Variants in PPP2R2C observed in about 807,000 individuals in gnomAD.
The protein encoded by PPP2R2C is protein phosphatase 2 regulatory subunit Bgamma, also known as protein phosphatase 2, regulatory subunit B, gamma.
A neutral mutation model predicts 45.3 loss-of-function variants in PPP2R2C; 10 were observed. That is an observed-to-expected ratio of 0.22 (90% confidence interval 0.14 to 0.37). PPP2R2C has a LOEUF of 0.37. Among genes scored for constraint, PPP2R2C ranks in the 10% least tolerant of loss-of-function variants. The pLI is 1.00. For missense variants in PPP2R2C, 308 were observed against 619.7 expected, an observed-to-expected ratio of 0.50 and a Z score of 5.34; for synonymous variants, 257 against 245.4, an observed-to-expected ratio of 1.05 and a Z score of -0.44.
At chr4:6,474,913 G>A (rs1055999459), upstream of PPP2R2C, among the ~76,000 whole-genome samples, 40 of 143,064 alleles carry the variant, frequency 2.8e-4, no homozygotes, top group Non-Finnish European at 5.5e-4. Context: ...CCCTGCCCCC[G>A]CTGACAGAGC....
At chr4:6,381,301 G>A in intron 1 of PPP2R2C, 1 of 1,526,082 alleles carries the variant, frequency 6.6e-7, no homozygotes, top group Non-Finnish European at 8.8e-7. Context: ...CTCTGCACTG[G>A]CTGCAGGGCA....
intron 2 of PPP2R2C, among the ~76,000 whole-genome samples, chr4:6,486,825 A>C (rs1390751824): frequency 1.3e-5 from 2 of 152,038 alleles, no homozygotes; most frequent in Non-Finnish European, 2.9e-5. Context: ...GGATATTTAG[A>C]CCATGGCTGC....
intron 1 of PPP2R2C, among the ~76,000 whole-genome samples, chr4:6,446,565 A>G (rs1720430791): frequency 6.6e-6 from 1 of 152,220 alleles, no homozygotes; most frequent in South Asian, 2.1e-4. Flanking sequence ...GGGAAAGCCC[A>G]GGACACACTG....
chr4:6,401,081 T>C (rs1201077069), intron 1 of PPP2R2C, among the ~76,000 whole-genome samples: 1 of 152,352 alleles, frequency 6.6e-6, no homozygotes, highest in African/African-American at 2.4e-5. Flanking sequence ...GAGGACATTA[T>C]AGAAAGAACT....
chr4:6,437,005 G>A (rs1265715861), intron 1 of PPP2R2C, among the ~76,000 whole-genome samples: 3 of 152,162 alleles, frequency 2.0e-5, no homozygotes, highest in Non-Finnish European at 4.4e-5. Context: ...TCAACATGTA[G>A]ACCTGAATTT....
chr4:6,425,813 CTGTGTGTGTG>C (rs147253945), intron 1 of PPP2R2C, among the ~76,000 whole-genome samples: 2 of 148,458 alleles, frequency 1.3e-5, no homozygotes, highest in Non-Finnish European at 3.0e-5. Context: ...CGATGCTTGG[CTGTGTGTGTG>C]TGTGTGTGTG....
Position 6,375,850 on chromosome 4 carries a change from A to T in PPP2R2C, c.416T>A (p.Leu139His). 2 of 1,614,124 alleles carry T rather than the reference A, an allele frequency of 1.2e-6. No homozygotes were observed. Among genetic ancestry groups the T allele is most frequent in the Non-Finnish European group, 8.5e-7 (1 of 1,180,014 alleles). The change falls in exon 4 of 9, where the codon CTT becomes CAT. Residue 139 changes from leucine to histidine, a missense_variant. Leu to His is a moderately conservative substitution (Grantham distance 99). Transcript: ENST00000382599. ...GYNLKDEEGK[L>H]KDLSTVTSLQ... ...TGACGTCACCGTGGACAGGTCCTTAAGTTTCCCCTCTTCATCCTTCAGGTT... is the reference window on the plus strand; with the variant it reads ...TGACGTCACCGTGGACAGGTCCTTATGTTTCCCCTCTTCATCCTTCAGGTT...
intron 2 of PPP2R2C, chr4:6,380,004 C>G (rs1449432073): frequency 2.0e-5 from 3 of 152,678 alleles, no homozygotes; most frequent in African/African-American, 4.8e-5. Flanking sequence ...CTCCCCTCCC[C>G]TCCCCTGCCT....
In PPP2R2C at chr4:6,430,317, T is replaced by C. The variant is rs1012497610; in HGVS notation, c.70+41843A>G. Among the ~76,000 whole-genome samples the C allele has an allele frequency of 3.9e-5, 6 of 152,186 alleles. No homozygotes were observed. In the East Asian group the frequency reaches 7.7e-4, roughly 20 times the overall value. On this transcript the variant is annotated intron_variant, in intron 1 of 8. Coordinates refer to ENST00000382599, the MANE Select transcript of PPP2R2C (RefSeq NM_020416.4). ...CTGAGGCCCAGAGAGGCAAAGCAAG[T>C]TGCCTGAAGCCACACTGCCTGCACC... is the stretch of plus-strand genomic sequence containing the variant.
chr4:6,478,334 G>C (rs7692151), intron 2 of PPP2R2C, among the ~76,000 whole-genome samples: 23,447 of 152,222 alleles, frequency 0.15, 1,981 homozygotes, highest in African/African-American at 0.19. Flanking sequence ...TTTAATATTA[G>C]GTGTAGTCAT....
chr4:6,365,394 A>G (rs914820794), intron 5 of PPP2R2C, among the ~76,000 whole-genome samples: 3 of 152,206 alleles, frequency 2.0e-5, no homozygotes, highest in Non-Finnish European at 4.4e-5. Context: ...CCTGTAAGGT[A>G]CCCGACAGTG....
chr4:6,512,537 TGG>T, intron 2 of PPP2R2C, among the ~76,000 whole-genome samples: 1 of 60,766 alleles, frequency 1.6e-5, no homozygotes, highest in African/African-American at 6.7e-5. Flanking sequence ...GTGATGGTGA[TGG>T]TGGTGATGGT....
chr4:6,477,975 T>A (rs116065476), intron 2 of PPP2R2C, among the ~76,000 whole-genome samples: 1,638 of 152,096 alleles, frequency 0.011, 37 homozygotes, highest in African/African-American at 0.037. Flanking sequence ...CTGGTTCAGA[T>A]GTTTCCAGGC....
At chr4:6,512,629 A>ATGG (rs1553905769) in intron 2 of PPP2R2C, among the ~76,000 whole-genome samples, 1 of 42,498 alleles carries the variant, frequency 2.4e-5, no homozygotes, top group Non-Finnish European at 4.9e-5. Context: ...AGTGGTGGTG[A>ATGG]TGGTGATGGT....
chr4:6,327,142 A>C (rs774873650), intron 8 of PPP2R2C, among the ~76,000 whole-genome samples: 26 of 152,202 alleles, frequency 1.7e-4, no homozygotes, highest in Non-Finnish European at 3.2e-4. Flanking sequence ...CAGCCACTGG[A>C]CACACCTGAG....
At chr4:6,414,900 G>A (rs1441678516) in intron 1 of PPP2R2C, among the ~76,000 whole-genome samples, 1 of 152,164 alleles carries the variant, frequency 6.6e-6, no homozygotes, top group Non-Finnish European at 1.5e-5. Context: ...CACCACATGT[G>A]CTTAGTTTTC....
At chr4:6,384,470 TA>T in intron 1 of PPP2R2C, 12 of 982,698 alleles carry the variant, frequency 1.2e-5, no homozygotes, top group Non-Finnish European at 1.3e-5. Context: ...AGATTTTCTA[TA>T]ATGAAGTTAC....
At position 6,375,950 on chromosome 4, in the gene PPP2R2C, A is replaced by C; in HGVS notation, c.335-19T>G. The C allele has an allele frequency of 6.3e-7, 1 of 1,588,634 alleles. No individual in the cohort carries two copies. Among genetic ancestry groups the C allele is most frequent in the Non-Finnish European group, 8.6e-7 (1 of 1,158,294 alleles). On this transcript the variant is annotated intron_variant, in intron 3 of 8. Transcript: ENST00000382599. ...GTTTTATCTTTAAAAACAGAACAAA[A>C]TAAAGCGAGTCACATAATTAAGCAG...
At chr4:6,502,778 C>A (rs978356908) in intron 2 of PPP2R2C, among the ~76,000 whole-genome samples, 1 of 152,130 alleles carries the variant, frequency 6.6e-6, no homozygotes, top group Non-Finnish European at 1.5e-5. Flanking sequence ...TTTATCCGAG[C>A]AATACCCAAC....
Sources: allele counts gnomAD v4.1 joint callset (sites outside exome capture counted in the v4.1 genomes callset), GRCh38; gene constraint gnomAD v4.1.1; transcripts MANE v1.5; gene names NCBI Gene and HGNC (gene_info 2026-07-23, HGNC 2026-07-21).